The following DPYD variants were observed in gnomAD, a reference collection of about 807,000 sequenced individuals.
DPYD encodes dihydropyrimidine dehydrogenase.
DPYD carries 109 observed loss-of-function variants against 116.2 expected under a neutral mutation model. The observed-to-expected ratio is 0.94, with a 90% CI of 0.80 to 1.10. The LOEUF (loss-of-function observed/expected upper bound fraction) is 1.10, where lower values mean the gene tolerates loss of function less well. Ranked by LOEUF, DPYD falls within the 50% of genes least tolerant of loss-of-function variation. The pLI is 0.00. For synonymous variants in DPYD, 440 were observed against 432.0 expected (o/e 1.02, Z -0.23); for missense variants, 1,302 against 1,254.5 (o/e 1.04, Z -0.57).
chr1:97,630,793 TA>T (rs1657213371), intron 8 of DPYD, among the ~76,000 whole-genome samples: 1 of 152,148 alleles, frequency 6.6e-6, no homozygotes, highest in Non-Finnish European at 1.5e-5. Context: ...TAGGAAGGGA[TA>T]AGCCTTCCAC....
intron 2 of DPYD, among the ~76,000 whole-genome samples, chr1:97,878,521 C>T (rs1672030649): frequency 6.6e-6 from 1 of 151,972 alleles, no homozygotes; most frequent in Admixed American, 6.6e-5. Context: ...TTAGTATTTA[C>T]CCTCAACTTA....
intron 4 of DPYD, among the ~76,000 whole-genome samples, chr1:97,735,720 A>C (rs1663901503): frequency 1.3e-5 from 2 of 149,536 alleles, no homozygotes; most frequent in Non-Finnish European, 3.0e-5. Context: ...ATAAATAAAT[A>C]AATAAATAAA....
chr1:97,339,702 C>T (rs1669498684), intron 16 of DPYD, among the ~76,000 whole-genome samples: 2 of 152,104 alleles, frequency 1.3e-5, no homozygotes, highest in Admixed American at 6.5e-5. Context: ...AAGCACAATG[C>T]AGTGTTAATA....
At chr1:97,519,795 T>G (rs1457806293) in intron 12 of DPYD, among the ~76,000 whole-genome samples, 1 of 152,122 alleles carries the variant, frequency 6.6e-6, no homozygotes, top group Non-Finnish European at 1.5e-5. Flanking sequence ...AATGTTTCAA[T>G]CATTGCTTCT....
chr1:97,851,511 A>C (rs1469794490), intron 2 of DPYD, among the ~76,000 whole-genome samples: 7 of 152,068 alleles, frequency 4.6e-5, no homozygotes, highest in Non-Finnish European at 1.5e-5. Context: ...ATTCAAGAAA[A>C]TATAGTTATA....
At chr1:97,838,175 A>C (rs150635700) in intron 2 of DPYD, among the ~76,000 whole-genome samples, 1,871 of 152,324 alleles carry the variant, frequency 0.012, 22 homozygotes, top group Non-Finnish European at 0.021. Flanking sequence ...AGCAGTCTTT[A>C]TAATAAATTA....
chr1:97,524,778 A>AC (rs1006612174), intron 12 of DPYD, among the ~76,000 whole-genome samples: 1 of 151,926 alleles, frequency 6.6e-6, no homozygotes, highest in African/African-American at 2.4e-5. Context: ...TATAATTTAC[A>AC]CCCCCAAATT....
At chr1:97,912,401 C>T (rs751983491) in intron 1 of DPYD, among the ~76,000 whole-genome samples, 9 of 152,030 alleles carry the variant, frequency 5.9e-5, no homozygotes, top group African/African-American at 1.4e-4. Context: ...AGGAATGTTA[C>T]GCCGTGACTT....
At chr1:97,851,349 A>T (rs987110153) in intron 2 of DPYD, among the ~76,000 whole-genome samples, 5 of 151,444 alleles carry the variant, frequency 3.3e-5, no homozygotes, top group Admixed American at 6.6e-5. Flanking sequence ...TCAGATTAGG[A>T]TTCTCCTTAT....
At chr1:97,448,806 G>C (rs867959422) in intron 14 of DPYD, among the ~76,000 whole-genome samples, 6 of 151,864 alleles carry the variant, frequency 4.0e-5, no homozygotes, top group Non-Finnish European at 8.8e-5. Flanking sequence ...TTTTAGACGG[G>C]TCACGATAGT....
At chr1:97,207,388 A>G (rs1230982504) in intron 19 of DPYD, among the ~76,000 whole-genome samples, 1 of 152,134 alleles carries the variant, frequency 6.6e-6, no homozygotes, top group Non-Finnish European at 1.5e-5. Flanking sequence ...TCAAGGATGC[A>G]GGGAGTAACT....
intron 10 of DPYD, among the ~76,000 whole-genome samples, chr1:97,587,268 G>C (rs1178381112): frequency 6.6e-6 from 1 of 152,092 alleles, no homozygotes; most frequent in Non-Finnish European, 1.5e-5. Flanking sequence ...TTAGCTTTTT[G>C]TGCCTAGAGA....
At chr1:97,132,676 A>T (rs1326141851) in intron 20 of DPYD, among the ~76,000 whole-genome samples, 1 of 152,084 alleles carries the variant, frequency 6.6e-6, no homozygotes, top group Non-Finnish European at 1.5e-5. Context: ...TGACTTGCAT[A>T]TGTTTGATCA....
intron 20 of DPYD, among the ~76,000 whole-genome samples, chr1:97,158,590 A>G (rs922151104): frequency 6.6e-6 from 1 of 151,524 alleles, no homozygotes; most frequent in Non-Finnish European, 1.5e-5. Context: ...GGCACCTGGA[A>G]GAAGGGAATG....
intron 5 of DPYD, among the ~76,000 whole-genome samples, chr1:97,718,966 T>C (rs972516828): frequency 6.6e-6 from 1 of 151,682 alleles, no homozygotes; most frequent in African/African-American, 2.4e-5. Context: ...AGTTATTTTA[T>C]TGAAACAATG....
intron 14 of DPYD, among the ~76,000 whole-genome samples, chr1:97,432,524 T>C (rs189719701): frequency 3.9e-5 from 6 of 152,256 alleles, no homozygotes; most frequent in Admixed American, 6.5e-5. Context: ...ATTTTTTTTT[T>C]CCACATTTAT....
chr1:97,426,232 T>C (rs1674859556), intron 14 of DPYD, among the ~76,000 whole-genome samples: 1 of 151,926 alleles, frequency 6.6e-6, no homozygotes, highest in Non-Finnish European at 1.5e-5. Context: ...TCGGTTCAGA[T>C]GACAGGAACA....
At chr1:97,587,952 A>G (rs1447422160) in intron 10 of DPYD, among the ~76,000 whole-genome samples, 1 of 152,158 alleles carries the variant, frequency 6.6e-6, no homozygotes, top group Admixed American at 6.5e-5. Context: ...CCTATAGGTC[A>G]TGCCACAAAA....
intron 7 of DPYD, among the ~76,000 whole-genome samples, chr1:97,682,494 A>C (rs1025858959): frequency 6.6e-6 from 1 of 152,012 alleles, no homozygotes; most frequent in Non-Finnish European, 1.5e-5. Context: ...CCATGCAAGA[A>C]ATAATCTATT....
Sources: allele counts gnomAD v4.1 joint callset (sites outside exome capture counted in the v4.1 genomes callset), GRCh38; gene constraint gnomAD v4.1.1; transcripts MANE v1.5; gene names NCBI Gene and HGNC (gene_info 2026-07-23, HGNC 2026-07-21).